The following ENOSF1 variants were observed in gnomAD, a reference collection of about 807,000 sequenced individuals.
ENOSF1 encodes mitochondrial enolase superfamily member 1.
ENOSF1 carries 73 observed loss-of-function variants against 68.2 expected under a neutral mutation model. That is an observed-to-expected ratio of 1.07 (90% confidence interval 0.89 to 1.30). The LOEUF (loss-of-function observed/expected upper bound fraction) is 1.30. Among genes scored for constraint, ENOSF1 ranks in the 50% most tolerant of loss-of-function variants. ENOSF1 has a pLI of 0.00. For missense variants in ENOSF1, 589 were observed against 554.5 expected (o/e 1.06, Z -0.62); for synonymous variants, 223 against 210.4 (o/e 1.06, Z -0.52).
At chr18:709,302 G>A (rs1486944269) in intron 1 of ENOSF1, among the ~76,000 whole-genome samples, 3 of 152,136 alleles carry the variant, frequency 2.0e-5, no homozygotes, top group Non-Finnish European at 4.4e-5. Flanking sequence ...AGAGAGGGAA[G>A]AAGGGGCCAG....
At chr18:675,242 T>A in intron 15 of ENOSF1, 79 bp downstream of exon 15, 1 of 1,076,906 alleles carries the variant, frequency 9.3e-7, no homozygotes, top group Middle Eastern at 2.8e-4. Flanking sequence ...AGCTTGGTGC[T>A]CCACAGTCTA....
chr18:709,221 A>C (rs2079252123), intron 1 of ENOSF1, among the ~76,000 whole-genome samples: 1 of 152,156 alleles, frequency 6.6e-6, no homozygotes, highest in Non-Finnish European at 1.5e-5. Flanking sequence ...GGTGGCACCG[A>C]AGTCAGAATG....
intron 1 of ENOSF1, chr18:712,280 T>C: frequency 6.5e-7 from 1 of 1,530,690 alleles, no homozygotes. Context: ...AGCAATGGGT[T>C]CGAAGTCGGG....
chr18:685,501 A>G (rs2076531608), intron 10 of ENOSF1, among the ~76,000 whole-genome samples: 1 of 152,208 alleles, frequency 6.6e-6, no homozygotes, highest in Admixed American at 6.5e-5. Flanking sequence ...TACACGTAAG[A>G]ACTGGTTTAT....
At chr18:693,980 T>A (rs1017630012) in intron 4 of ENOSF1, 72 bp from the exon 5 acceptor site, 2 of 1,489,154 alleles carry the variant, frequency 1.3e-6, no homozygotes, top group African/African-American at 2.1e-5. Flanking sequence ...AGTAAACGCG[T>A]TGGCAGCTCT....
chr18:678,047 G>A (rs2075691854), intron 12 of ENOSF1, 175 bp from the exon 13 acceptor site: 1 of 671,866 alleles, frequency 1.5e-6, no homozygotes, highest in Non-Finnish European at 2.4e-6. Context: ...TTTATAGCGT[G>A]GGCAGGGACC....
chr18:686,394 G>T, intron 9 of ENOSF1: 1 of 186,946 alleles, frequency 5.3e-6, no homozygotes. Context: ...TAGACTGAAT[G>T]GAAAGGGTCT....
chr18:693,324 T>A (rs928970728), intron 5 of ENOSF1: 12 of 1,212,700 alleles, frequency 9.9e-6, no homozygotes, highest in South Asian at 1.5e-5. Flanking sequence ...TAGTATCTTT[T>A]CTTTTTTCTT....
At chr18:704,085 TA>T (rs2145397122) in intron 2 of ENOSF1, among the ~76,000 whole-genome samples, 1 of 152,206 alleles carries the variant, frequency 6.6e-6, no homozygotes. Context: ...ATGAGGCAAT[TA>T]AACCTCTTTT....
At chr18:675,200 G>A (rs1311301416) in intron 15 of ENOSF1, 121 bp downstream of exon 15, 3 of 769,654 alleles carry the variant, frequency 3.9e-6, no homozygotes, top group Non-Finnish European at 6.7e-6. Flanking sequence ...AGAACCGTTT[G>A]TTAGTGGATA....
At chr18:693,970 A>T in intron 4 of ENOSF1, 62 bp from the exon 5 acceptor site, 1 of 1,546,166 alleles carries the variant, frequency 6.5e-7, no homozygotes, top group Non-Finnish European at 8.7e-7. Context: ...TTTTCCTGAC[A>T]GTAAACGCGT....
chr18:702,395 T>C (rs1347328079), intron 2 of ENOSF1, among the ~76,000 whole-genome samples: 2 of 151,242 alleles, frequency 1.3e-5, no homozygotes, highest in Non-Finnish European at 2.9e-5. Flanking sequence ...CAACATATAG[T>C]GAAACCCTGT....
At chr18:678,632 G>A (rs1049525069) in intron 12 of ENOSF1, 64 bp downstream of exon 12, 17 of 1,523,324 alleles carry the variant, frequency 1.1e-5, no homozygotes, top group South Asian at 7.9e-5. Context: ...CTGTGTCCTC[G>A]GTCACTGGTC....
chr18:703,292 TTATC>T (rs1178696593), intron 2 of ENOSF1, among the ~76,000 whole-genome samples: 7 of 152,138 alleles, frequency 4.6e-5, no homozygotes, highest in African/African-American at 1.4e-4. Flanking sequence ...GAAGGGCTTC[TTATC>T]TATCTTAGTG....
At chr18:697,385 T>A (rs772933713) in intron 2 of ENOSF1, 30 bp from the exon 3 acceptor site, 2 of 1,481,734 alleles carry the variant, frequency 1.3e-6, no homozygotes, top group African/African-American at 2.8e-5. Flanking sequence ...CTCTTGTTTA[T>A]GCTTCTATAC....
intron 5 of ENOSF1, chr18:693,629 G>A (rs1288536205): frequency 1.0e-6 from 1 of 985,280 alleles, no homozygotes; most frequent in Non-Finnish European, 1.2e-6. Flanking sequence ...GGCACCGTGT[G>A]TTACACATGC....
the ENOSF1 span, among the ~76,000 whole-genome samples, chr18:664,781 G>A: frequency 1.6e-4 from 24 of 150,114 alleles, no homozygotes; most frequent in Non-Finnish European, 2.5e-4. Flanking sequence ...ATAATCATGT[G>A]GTTTTTGTCT....
chr18:667,234 G>A (rs2074859078), downstream of ENOSF1, among the ~76,000 whole-genome samples: 1 of 34,810 alleles, frequency 2.9e-5, no homozygotes, highest in Non-Finnish European at 5.0e-5. Flanking sequence ...TGGTGATGGA[G>A]ATGGAGATGG....
At chr18:679,286 C>T (rs1377942602) in intron 11 of ENOSF1, among the ~76,000 whole-genome samples, 3 of 151,294 alleles carry the variant, frequency 2.0e-5, no homozygotes, top group Admixed American at 6.6e-5. Context: ...CTTAGCTCAC[C>T]GCAACCTCCA....
Sources: allele counts gnomAD v4.1 joint callset (sites outside exome capture counted in the v4.1 genomes callset), GRCh38; gene constraint gnomAD v4.1.1; transcripts MANE v1.5; gene names NCBI Gene and HGNC (gene_info 2026-07-23, HGNC 2026-07-21).